The following FSTL4 variants were observed in gnomAD, a reference collection of about 807,000 sequenced individuals.
The protein encoded by FSTL4 is follistatin-related protein 4.
FSTL4 carries 28 observed loss-of-function variants against 78.2 expected under a neutral mutation model. The observed-to-expected ratio is 0.36, with a 90% CI of 0.27 to 0.49. FSTL4 has a LOEUF of 0.49. Among genes scored for constraint, FSTL4 ranks in the 20% least tolerant of loss-of-function variants. FSTL4 has a pLI of 0.98. For missense variants in FSTL4, 922 were observed against 1,084.9 expected (o/e 0.85, Z 2.11); for synonymous variants, 422 against 440.5 (o/e 0.96, Z 0.53).
At chr5:133,726,230 G>C in the FSTL4 span, among the ~76,000 whole-genome samples, 1 of 152,270 alleles carries the variant, frequency 6.6e-6, no homozygotes, top group East Asian at 1.9e-4. Context: ...CTAAAAAGTG[G>C]TTGCATGACT....
intron 4 of FSTL4, among the ~76,000 whole-genome samples, chr5:133,398,671 ACTTCTCT>A (rs954613544): frequency 2.6e-4 from 39 of 152,086 alleles, no homozygotes; most frequent in African/African-American, 9.4e-4. Context: ...CCCCTCCTTC[ACTTCTCT>A]CCATGGCTGC....
At chr5:133,744,958 G>T in the FSTL4 span, among the ~76,000 whole-genome samples, 2 of 152,292 alleles carry the variant, frequency 1.3e-5, no homozygotes, top group East Asian at 3.9e-4. Flanking sequence ...CCATCAAAGG[G>T]ACAGGCTGGG....
At chr5:133,685,701 G>C in the FSTL4 span, among the ~76,000 whole-genome samples, 1 of 152,200 alleles carries the variant, frequency 6.6e-6, no homozygotes, top group African/African-American at 2.4e-5. Flanking sequence ...TGGAAGGCTG[G>C]GACAACTAGC....
the FSTL4 span, among the ~76,000 whole-genome samples, chr5:133,819,235 G>T: frequency 1.3e-5 from 2 of 151,838 alleles, no homozygotes; most frequent in African/African-American, 4.8e-5. Context: ...AAATAAACAG[G>T]CATGCCCTCT....
At chr5:133,592,786 C>T (rs1760658347) in intron 2 of FSTL4, among the ~76,000 whole-genome samples, 1 of 152,186 alleles carries the variant, frequency 6.6e-6, no homozygotes, top group Admixed American at 6.5e-5. Flanking sequence ...CACACCCATT[C>T]CCTTTCACCT....
the FSTL4 span, among the ~76,000 whole-genome samples, chr5:133,671,991 T>C: frequency 6.6e-6 from 1 of 152,368 alleles, no homozygotes; most frequent in East Asian, 1.9e-4. Context: ...GAGAAGTTAC[T>C]ATTTATTCCT....
the FSTL4 span, among the ~76,000 whole-genome samples, chr5:133,628,421 A>G: frequency 1.3e-5 from 2 of 150,730 alleles, no homozygotes; most frequent in African/African-American, 4.9e-5. Context: ...GTGCAATGGC[A>G]TAATCTCAGC....
intron 4 of FSTL4, among the ~76,000 whole-genome samples, chr5:133,351,356 T>C (rs761887057): frequency 6.6e-6 from 1 of 152,226 alleles, no homozygotes; most frequent in Non-Finnish European, 1.5e-5. Flanking sequence ...TTTCTCAATC[T>C]GAAGATGAAA....
intron 6 of FSTL4, among the ~76,000 whole-genome samples, chr5:133,310,109 A>G (rs1225772811): frequency 1.3e-5 from 2 of 152,162 alleles, no homozygotes; most frequent in Non-Finnish European, 2.9e-5. Flanking sequence ...ACTTTGAAAA[A>G]CCATTGATCC....
At chr5:133,250,254 A>G (rs1380982368) in intron 6 of FSTL4, among the ~76,000 whole-genome samples, 1 of 152,256 alleles carries the variant, frequency 6.6e-6, no homozygotes, top group Non-Finnish European at 1.5e-5. Context: ...AAATGGGAAG[A>G]ATCTAAGATA....
Position 133,413,342 on chromosome 5 carries a change from G to T in FSTL4, c.161-12356C>A, listed in dbSNP as rs938629927. Among the ~76,000 whole-genome samples, 4 of 151,780 alleles carry T rather than the reference G, an allele frequency of 2.6e-5. No homozygotes were observed. The South Asian group carries it at 8.3e-4, about 31-fold the overall frequency. On this transcript the variant is annotated intron_variant, in intron 3 of 15. Transcript: ENST00000265342. ...ATGCTGTGTAATTACTCTTATGTTC[G>T]TGTATTTTTTTTCTTTCAACTTGAT... is the stretch of plus-strand genomic sequence containing the variant.
At chr5:133,825,589 G>A in the FSTL4 span, among the ~76,000 whole-genome samples, 20 of 152,164 alleles carry the variant, frequency 1.3e-4, no homozygotes, top group South Asian at 2.1e-4. Flanking sequence ...AAAACTATCC[G>A]CGGGGGTGGG....
chr5:133,717,801 C>T, the FSTL4 span, among the ~76,000 whole-genome samples: 1 of 152,304 alleles, frequency 6.6e-6, no homozygotes, highest in East Asian at 1.9e-4. Context: ...GCAGATACAC[C>T]ATACTGTCTA....
the FSTL4 span, among the ~76,000 whole-genome samples, chr5:133,695,704 G>A: frequency 6.6e-6 from 1 of 152,178 alleles, no homozygotes; most frequent in Admixed American, 6.5e-5. Context: ...CTCAGAGCCA[G>A]GTACTGCTCC....
the FSTL4 span, among the ~76,000 whole-genome samples, chr5:133,805,517 T>C: frequency 6.6e-6 from 1 of 152,082 alleles, no homozygotes; most frequent in African/African-American, 2.4e-5. Context: ...GAGGATGGGG[T>C]TGTTTCCTAA....
At chr5:133,339,569 T>C (rs1754540823) in intron 4 of FSTL4, among the ~76,000 whole-genome samples, 1 of 152,122 alleles carries the variant, frequency 6.6e-6, no homozygotes, top group Admixed American at 6.5e-5. Flanking sequence ...GGCATACAAC[T>C]AGCACTCAAC....
intron 4 of FSTL4, among the ~76,000 whole-genome samples, chr5:133,368,687 A>G (rs1358198217): frequency 1.3e-5 from 2 of 152,184 alleles, no homozygotes; most frequent in Non-Finnish European, 2.9e-5. Flanking sequence ...TCACACACAG[A>G]TTCCTGAGCC....
chr5:133,302,078 G>A (rs1468385822), intron 6 of FSTL4, among the ~76,000 whole-genome samples: 2 of 151,876 alleles, frequency 1.3e-5, no homozygotes, highest in Non-Finnish European at 2.9e-5. Flanking sequence ...ACGAGCGTTC[G>A]CTTGTCCCAG....
intron 4 of FSTL4, among the ~76,000 whole-genome samples, chr5:133,331,839 G>A (rs1020263743): frequency 1.3e-5 from 2 of 152,178 alleles, no homozygotes; most frequent in Admixed American, 1.3e-4. Flanking sequence ...TGGGAGGAGA[G>A]TGAGAAGGCT....
Sources: gnomAD v4.1 joint callset for allele counts (sites outside exome capture counted in the v4.1 genomes callset) on GRCh38, gnomAD v4.1.1 for gene constraint, MANE v1.5 for transcripts, NCBI Gene and HGNC (gene_info 2026-07-23, HGNC 2026-07-21) for gene names.